The following FBXO4 variants were observed in gnomAD, a reference collection of about 807,000 sequenced individuals.
The protein encoded by FBXO4 is F-box protein 4, also known as F-box only protein 4.
FBXO4 carries 36 observed loss-of-function variants against 43.7 expected under a neutral mutation model. That is an observed-to-expected ratio of 0.82 (90% CI 0.63 to 1.09). The LOEUF (loss-of-function observed/expected upper bound fraction) is 1.09. Ranked by LOEUF, FBXO4 falls within the 50% of genes least tolerant of loss-of-function variation. The pLI is 0.00. For missense variants in FBXO4, 435 were observed against 474.1 expected (o/e 0.92, Z 0.77); for synonymous variants, 180 against 165.6 (o/e 1.09, Z -0.67).
At chr5:41,983,373 C>A in the FBXO4 span, among the ~76,000 whole-genome samples, 1 of 152,078 alleles carries the variant, frequency 6.6e-6, no homozygotes, top group Non-Finnish European at 1.5e-5. Context: ...TTATTATGCA[C>A]TTCTAATACT....
intron 3 of FBXO4, among the ~76,000 whole-genome samples, chr5:41,930,849 G>A (rs536683751): frequency 5.5e-4 from 83 of 152,128 alleles, no homozygotes; most frequent in Non-Finnish European, 9.6e-4. Context: ...GTAGAGACGG[G>A]GTTTCACTGT....
At chr5:42,005,676 C>T in the FBXO4 span, among the ~76,000 whole-genome samples, 1 of 152,084 alleles carries the variant, frequency 6.6e-6, no homozygotes, top group Non-Finnish European at 1.5e-5. Context: ...GGGTTTCCTC[C>T]ATGCTTTATT....
chr5:41,957,638 G>A, the FBXO4 span, among the ~76,000 whole-genome samples: 5 of 151,022 alleles, frequency 3.3e-5, no homozygotes, highest in Admixed American at 2.6e-4. Context: ...AATTCCCTAT[G>A]TGTACACTTT....
chr5:42,006,959 A>G, the FBXO4 span, among the ~76,000 whole-genome samples: 594 of 139,456 alleles, frequency 4.3e-3, 6 homozygotes, highest in Middle Eastern at 0.016. Context: ...CATGACATAT[A>G]TACATAAACA....
chr5:41,926,098 A>C (rs1751487835), intron 1 of FBXO4, among the ~76,000 whole-genome samples: 1 of 152,358 alleles, frequency 6.6e-6, no homozygotes, highest in Middle Eastern at 3.4e-3. Context: ...TTTGGGGTAG[A>C]TAGGTAAATG....
the FBXO4 span, among the ~76,000 whole-genome samples, chr5:42,009,275 C>T: frequency 2.0e-5 from 3 of 152,072 alleles, no homozygotes; most frequent in Non-Finnish European, 4.4e-5. Flanking sequence ...GCCAATTCTT[C>T]AGTGTCTAGA....
At chr5:42,011,028 C>T in the FBXO4 span, among the ~76,000 whole-genome samples, 1 of 152,124 alleles carries the variant, frequency 6.6e-6, no homozygotes, top group South Asian at 2.1e-4. Flanking sequence ...CCTCCCCTAG[C>T]CCCCAACCCA....
At chr5:41,998,530 C>T in the FBXO4 span, among the ~76,000 whole-genome samples, 1 of 152,150 alleles carries the variant, frequency 6.6e-6, no homozygotes, top group African/African-American at 2.4e-5. Context: ...TTTTAGTTAA[C>T]CCAGCAAATA....
chr5:41,933,502 G>A (rs1211582964), intron 3 of FBXO4, among the ~76,000 whole-genome samples: 1 of 152,168 alleles, frequency 6.6e-6, no homozygotes, highest in Admixed American at 6.5e-5. Context: ...ACAGATGTGA[G>A]CCACTGTGCC....
chr5:41,969,704 T>A, the FBXO4 span, among the ~76,000 whole-genome samples: 1 of 152,164 alleles, frequency 6.6e-6, no homozygotes, highest in African/African-American at 2.4e-5. Flanking sequence ...GTTGCACACC[T>A]TAACATTTTC....
At chr5:42,021,974 T>C in the FBXO4 span, among the ~76,000 whole-genome samples, 1 of 152,168 alleles carries the variant, frequency 6.6e-6, no homozygotes, top group Non-Finnish European at 1.5e-5. Context: ...AGATTAAGTT[T>C]TAAGAAAAGC....
At chr5:42,005,492 C>T in the FBXO4 span, among the ~76,000 whole-genome samples, 20 of 152,160 alleles carry the variant, frequency 1.3e-4, no homozygotes, top group African/African-American at 4.6e-4. Flanking sequence ...CCTTTCTCCA[C>T]AAGTTCCTAA....
chr5:41,969,522 TATA>T, the FBXO4 span, among the ~76,000 whole-genome samples: 1 of 152,194 alleles, frequency 6.6e-6, no homozygotes, highest in African/African-American at 2.4e-5. Context: ...TAATCCATAC[TATA>T]ATATTTGGCT....
At chr5:41,998,144 A>T in the FBXO4 span, among the ~76,000 whole-genome samples, 2 of 152,196 alleles carry the variant, frequency 1.3e-5, no homozygotes, top group Non-Finnish European at 2.9e-5. Flanking sequence ...GGTGTCCATT[A>T]TGATAGCTAT....
the FBXO4 span, among the ~76,000 whole-genome samples, chr5:41,966,952 T>C: frequency 6.6e-6 from 1 of 152,216 alleles, no homozygotes; most frequent in Non-Finnish European, 1.5e-5. Context: ...TGCATGATAC[T>C]GTAATGCTTC....
the FBXO4 span, among the ~76,000 whole-genome samples, chr5:41,954,529 C>A: frequency 6.6e-6 from 1 of 152,154 alleles, no homozygotes; most frequent in Non-Finnish European, 1.5e-5. Context: ...CATAATGCAT[C>A]ATCTACAGCT....
the FBXO4 span, among the ~76,000 whole-genome samples, chr5:42,009,210 A>G: frequency 6.6e-6 from 1 of 152,060 alleles, no homozygotes; most frequent in Admixed American, 6.6e-5. Context: ...CTTAGCTCTT[A>G]TTTGCTCCCT....
chr5:41,979,276 A>T, the FBXO4 span, among the ~76,000 whole-genome samples: 2 of 152,000 alleles, frequency 1.3e-5, no homozygotes, highest in Non-Finnish European at 2.9e-5. Context: ...GTTCTTCAGT[A>T]CTCCAGAGGT....
chr5:41,986,734 A>G, the FBXO4 span, among the ~76,000 whole-genome samples: 2 of 152,164 alleles, frequency 1.3e-5, no homozygotes, highest in Admixed American at 1.3e-4. Context: ...ATTACCTCTC[A>G]GAATGCATAA....
Sources: gnomAD v4.1 joint callset for allele counts (sites outside exome capture counted in the v4.1 genomes callset) on GRCh38, gnomAD v4.1.1 for gene constraint, MANE v1.5 for transcripts, NCBI Gene and HGNC (gene_info 2026-07-23, HGNC 2026-07-21) for gene names.